The following RNF216 variants were observed in gnomAD, a reference collection of about 807,000 sequenced individuals.
The protein encoded by RNF216 is ring finger protein 216, also known as E3 ubiquitin-protein ligase RNF216.
RNF216 carries 72 observed loss-of-function variants against 110.8 expected under a neutral mutation model. The ratio of observed to expected loss-of-function variants is 0.65; its 90% CI spans 0.54 to 0.79. RNF216 has a LOEUF of 0.79. Ranked by LOEUF, RNF216 falls within the 30% of genes least tolerant of loss-of-function variation. The pLI is 0.00. For synonymous variants in RNF216, 495 were observed against 407.5 expected, an observed-to-expected ratio of 1.21 and a Z score of -2.59; for missense variants, 1,342 against 1,141.2, an observed-to-expected ratio of 1.18 and a Z score of -2.54.
At chr7:5,776,162 G>A (rs1796763075) in intron 1 of RNF216, among the ~76,000 whole-genome samples, 3 of 152,100 alleles carry the variant, frequency 2.0e-5, no homozygotes, top group African/African-American at 7.2e-5. Context: ...TGACTGTACT[G>A]CTACAGCATT....
At chr7:5,765,463 CAAAAAATA>C (rs1300178081) in intron 1 of RNF216, among the ~76,000 whole-genome samples, 2 of 150,920 alleles carry the variant, frequency 1.3e-5, no homozygotes, top group Non-Finnish European at 3.0e-5. Context: ...GACTCCATCT[CAAAAAATA>C]AAAAAATAAA....
At chr7:5,760,470 T>C in intron 2 of RNF216, 1 of 382,178 alleles carries the variant, frequency 2.6e-6, no homozygotes, top group Non-Finnish European at 5.3e-6. Context: ...GAGTCGAGAT[T>C]ACGCCATTGC....
At chr7:5,667,751 T>G (rs946921144) in intron 13 of RNF216, among the ~76,000 whole-genome samples, 1 of 152,222 alleles carries the variant, frequency 6.6e-6, no homozygotes, top group African/African-American at 2.4e-5. Context: ...CAGCATGCCC[T>G]GGAAGAGAGG....
intron 13 of RNF216, among the ~76,000 whole-genome samples, chr7:5,693,894 G>A (rs1017699456): frequency 6.6e-5 from 10 of 152,142 alleles, no homozygotes; most frequent in Non-Finnish European, 1.5e-5. Context: ...TAAGAAATCA[G>A]CCTTAAAAAT....
At chr7:5,709,694 G>A (rs959678700) in intron 13 of RNF216, among the ~76,000 whole-genome samples, 65 of 152,250 alleles carry the variant, frequency 4.3e-4, no homozygotes, top group African/African-American at 1.5e-3. Context: ...CCACCAACAT[G>A]CCAAGTTGAT....
intron 13 of RNF216, among the ~76,000 whole-genome samples, chr7:5,657,648 T>C (rs967216454): frequency 6.6e-6 from 1 of 152,160 alleles, no homozygotes; most frequent in African/African-American, 2.4e-5. Context: ...CACTTGACTA[T>C]TCGCAAATGC....
In RNF216 at chr7:5,757,577, G is replaced by A. The variant is rs541053905; in HGVS notation, c.67+3426C>T. ...AGCAATTAAAAAGGAATGAGTTACT[G>A]ATATATGCAACAACAGGGATGAATC... On this transcript the variant is annotated intron_variant, in intron 2 of 16. Transcript: ENST00000389902. Among the ~76,000 whole-genome samples, 58 of 152,252 alleles carry A rather than the reference G, an allele frequency of 3.8e-4. No individual in the cohort carries two copies. In the South Asian group the frequency reaches 8.1e-3, roughly 21 times the overall value.
intron 15 of RNF216, among the ~76,000 whole-genome samples, chr7:5,640,480 C>T (rs1787670669): frequency 6.6e-6 from 1 of 152,158 alleles, no homozygotes; most frequent in Admixed American, 6.5e-5. Context: ...GTGGCTCTCT[C>T]CACCTGCAAA....
chr7:5,739,242 C>A, intron 5 of RNF216, 34 bp downstream of exon 5: 1 of 1,502,728 alleles, frequency 6.7e-7, no homozygotes. Context: ...CCACCACCAC[C>A]ACCACCACAA....
At chr7:5,728,926 G>A (rs2128642501) in intron 7 of RNF216, among the ~76,000 whole-genome samples, 1 of 152,290 alleles carries the variant, frequency 6.6e-6, no homozygotes, top group East Asian at 1.9e-4. Context: ...CCACAAACCA[G>A]CACCCTCCTC....
intron 13 of RNF216, among the ~76,000 whole-genome samples, chr7:5,669,990 G>A (rs896831186): frequency 2.0e-5 from 3 of 151,696 alleles, no homozygotes; most frequent in Non-Finnish European, 2.9e-5. Context: ...GCAGTGGCGC[G>A]ATCTTGGCTC....
intron 14 of RNF216, among the ~76,000 whole-genome samples, chr7:5,646,019 T>A (rs1370895859): frequency 6.6e-6 from 1 of 152,226 alleles, no homozygotes; most frequent in Non-Finnish European, 1.5e-5. Context: ...AGCATTTGTT[T>A]AGTATGCCCA....
Position 5,633,553 on chromosome 7 carries a change from C to T in RNF216, c.2382+7601G>A, listed in dbSNP as rs534811417. On this transcript the variant is annotated intron_variant, in intron 15 of 16. Transcript: ENST00000389902. ...TCACATCACTGCACTCCAGCCTGGG[C>T]GACAGAGGGAGACTCCCTCTCAAAC... 1.6e-4 allele frequency among the ~76,000 whole-genome samples: 24 copies of T among 152,074 alleles called. No homozygotes were observed. In the East Asian group the frequency reaches 3.1e-3, roughly 20 times the overall value.
intron 13 of RNF216, among the ~76,000 whole-genome samples, 173 bp from the exon 14 acceptor site, chr7:5,652,683 G>C (rs1050328338): frequency 3.9e-5 from 6 of 152,284 alleles, no homozygotes; most frequent in Admixed American, 2.6e-4. Flanking sequence ...AAGAGGTTAA[G>C]AGGTGGTAGG....
At position 5,700,481 on chromosome 7, in the gene RNF216, T is replaced by C. The variant is rs546348805; in HGVS notation, c.2061+11280A>G. Among the ~76,000 whole-genome samples the C allele has an allele frequency of 2.6e-5, 4 of 152,346 alleles. 1 individual carries two copies. The highest frequency in any genetic ancestry group is 7.2e-5 in the African/African-American group (3 of 41,576). On this transcript the variant is annotated intron_variant, in intron 13 of 16. Coordinates refer to ENST00000389902, the MANE Select transcript of RNF216 (RefSeq NM_207111.4). ...AGGCCACAGACACAGAAAAATGTCA[T>C]TAAATTATTTTAGTAAAATATACAA... is the stretch of plus-strand genomic sequence containing the variant.
intron 13 of RNF216, among the ~76,000 whole-genome samples, chr7:5,675,279 C>A (rs116159302): frequency 1.6e-4 from 25 of 152,298 alleles, no homozygotes; most frequent in African/African-American, 6.0e-4. Flanking sequence ...AGGTTCTGCA[C>A]AGACAAGAAT....
chr7:5,764,515 G>C (rs531756660), intron 1 of RNF216, among the ~76,000 whole-genome samples: 1 of 152,128 alleles, frequency 6.6e-6, no homozygotes, highest in East Asian at 1.9e-4. Context: ...TGGTGTGGTG[G>C]CATGCACCTG....
chr7:5,740,947 C>T (rs1005294164), intron 4 of RNF216, 26 bp downstream of exon 4: 1 of 1,556,130 alleles, frequency 6.4e-7, no homozygotes, highest in African/African-American at 1.4e-5. Flanking sequence ...GTAGTGTCTA[C>T]ATTTACTTGA....
intron 8 of RNF216, among the ~76,000 whole-genome samples, chr7:5,722,172 C>T (rs546149793): frequency 1.3e-5 from 2 of 152,352 alleles, no homozygotes; most frequent in South Asian, 4.1e-4. Flanking sequence ...GATCCACCAG[C>T]CTTGGCCTCC....
Sources: allele counts gnomAD v4.1 joint callset (sites outside exome capture counted in the v4.1 genomes callset), GRCh38; gene constraint gnomAD v4.1.1; transcripts MANE v1.5; gene names NCBI Gene and HGNC (gene_info 2026-07-23, HGNC 2026-07-21).